The following ADK variants were observed in gnomAD, a reference collection of about 807,000 sequenced individuals.
The protein encoded by ADK is N6,N6-dimethyladenosine kinase.
ADK carries 24 observed loss-of-function variants against 44.7 expected under a neutral mutation model. The observed-to-expected ratio is 0.54, with a 90% CI of 0.39 to 0.76. The LOEUF is 0.76. ADK is among the 30% of genes least tolerant of loss of function. The pLI is 0.00. For synonymous variants in ADK, 128 were observed against 142.6 expected (o/e 0.90, Z 0.73); for missense variants, 321 against 425.1 (o/e 0.76, Z 2.15).
rs367858408 is a variant in ADK at position 74,366,205 on chromosome 10, TATC to T, written c.274-27934_274-27932del. Reference sequence around the variant, plus strand: ...TTGTTATTCATAATTACTTGAATATTATCAGCATCTCTAGATCCTTTGTAGTTA... The same window carrying T: ...TTGTTATTCATAATTACTTGAATATTAGCATCTCTAGATCCTTTGTAGTTA... On this transcript the variant is annotated intron_variant, in intron 4 of 10. Coordinates refer to ENST00000539909, the MANE Select transcript of ADK (RefSeq NM_006721.4). Among the ~76,000 whole-genome samples, 796 of 152,316 alleles carry T rather than the reference TATC, an allele frequency of 5.2e-3. 11 individuals are homozygous for T. The highest frequency in any genetic ancestry group is 0.017 in the African/African-American group (722 of 41,584).
chr10:74,401,303 G>A (rs1843701298), intron 6 of ADK, among the ~76,000 whole-genome samples: 1 of 152,192 alleles, frequency 6.6e-6, no homozygotes, highest in African/African-American at 2.4e-5. Context: ...GGAGGCCAAA[G>A]CCAGTGGATT....
At chr10:74,675,170 A>G (rs1419252198) in intron 10 of ADK, among the ~76,000 whole-genome samples, 3 of 152,158 alleles carry the variant, frequency 2.0e-5, no homozygotes, top group South Asian at 2.1e-4. Flanking sequence ...CTGAAGGACA[A>G]TAATTTTCTT....
chr10:74,490,786 C>T (rs964847747), intron 6 of ADK, among the ~76,000 whole-genome samples: 5 of 152,048 alleles, frequency 3.3e-5, no homozygotes, highest in African/African-American at 1.2e-4. Flanking sequence ...TAGAATTGAA[C>T]AAGATGTTTG....
At chr10:74,402,763 T>C (rs1371659333) in intron 6 of ADK, among the ~76,000 whole-genome samples, 2 of 152,202 alleles carry the variant, frequency 1.3e-5, no homozygotes, top group African/African-American at 2.4e-5. Flanking sequence ...GTCAAAGTCA[T>C]TCTCCATCCA....
At chr10:74,585,843 G>A (rs142666549) in intron 7 of ADK, among the ~76,000 whole-genome samples, 70 of 152,230 alleles carry the variant, frequency 4.6e-4, no homozygotes, top group African/African-American at 1.7e-3. Context: ...GCACAGATGG[G>A]GACTTGCTTG....
At chr10:74,320,119 G>C (rs1024881008) in intron 4 of ADK, among the ~76,000 whole-genome samples, 2 of 152,148 alleles carry the variant, frequency 1.3e-5, no homozygotes, top group African/African-American at 4.8e-5. Flanking sequence ...CAGCCTGAAG[G>C]ACTCTCTTTA....
At chr10:74,668,250 T>C (rs182064454) in intron 9 of ADK, among the ~76,000 whole-genome samples, 9 of 152,344 alleles carry the variant, frequency 5.9e-5, no homozygotes, top group Non-Finnish European at 8.8e-5. Context: ...TTTTCCTAAA[T>C]CAGACTGCAG....
intron 3 of ADK, among the ~76,000 whole-genome samples, chr10:74,259,612 A>G (rs1342085892): frequency 1.3e-5 from 2 of 151,536 alleles, no homozygotes; most frequent in Non-Finnish European, 2.9e-5. Context: ...ACCCGCCACC[A>G]TGCCTGGCTA....
intron 8 of ADK, among the ~76,000 whole-genome samples, chr10:74,596,158 A>C (rs150560472): frequency 1.3e-3 from 199 of 152,248 alleles, no homozygotes; most frequent in African/African-American, 4.5e-3. Context: ...TGATAAAAAA[A>C]AACAACAAAA....
At chr10:74,424,260 C>T (rs951881175) in intron 6 of ADK, among the ~76,000 whole-genome samples, 1 of 151,944 alleles carries the variant, frequency 6.6e-6, no homozygotes, top group Non-Finnish European at 1.5e-5. Flanking sequence ...AAAATATGGC[C>T]GGGCATGGTG....
intron 1 of ADK, among the ~76,000 whole-genome samples, chr10:74,166,147 C>G (rs908853487): frequency 6.6e-6 from 1 of 152,126 alleles, no homozygotes; most frequent in East Asian, 1.9e-4. Context: ...ACTGTGTTGG[C>G]CTGGCTGGTC....
At chr10:74,707,553 A>T (rs998634400) in intron 10 of ADK, among the ~76,000 whole-genome samples, 1 of 152,124 alleles carries the variant, frequency 6.6e-6, no homozygotes, top group East Asian at 1.9e-4. Context: ...ACCTGAGGTC[A>T]GGAGTTTGAG....
At chr10:74,413,605 T>C (rs894014523) in intron 6 of ADK, among the ~76,000 whole-genome samples, 3 of 152,224 alleles carry the variant, frequency 2.0e-5, no homozygotes, top group African/African-American at 7.2e-5. Context: ...CTATGCTGGT[T>C]TGATGTTCTA....
At chr10:74,527,580 C>A in intron 7 of ADK, 1 of 761,916 alleles carries the variant, frequency 1.3e-6, no homozygotes, top group South Asian at 1.4e-5. Flanking sequence ...TGGAGGATAA[C>A]GAGATAGCTG....
intron 10 of ADK, among the ~76,000 whole-genome samples, chr10:74,697,411 C>T (rs1436833513): frequency 1.3e-5 from 2 of 152,094 alleles, no homozygotes; most frequent in East Asian, 3.8e-4. Flanking sequence ...GTGGCACACA[C>T]CTGTAGTTCT....
chr10:74,376,303 T>A (rs1196438638), intron 4 of ADK, among the ~76,000 whole-genome samples: 2 of 152,146 alleles, frequency 1.3e-5, no homozygotes, highest in African/African-American at 4.8e-5. Context: ...AATTTGTAGG[T>A]TCTTTAGGAA....
chr10:74,189,711 C>A (rs1313836442), intron 1 of ADK, among the ~76,000 whole-genome samples: 1 of 152,062 alleles, frequency 6.6e-6, no homozygotes, highest in East Asian at 1.9e-4. Flanking sequence ...ACGTTTTTGT[C>A]CCCCAAAATG....
chr10:74,290,635 A>C (rs572941226), intron 3 of ADK, among the ~76,000 whole-genome samples: 9 of 151,998 alleles, frequency 5.9e-5, no homozygotes, highest in African/African-American at 1.9e-4. Context: ...TTTTTTGTGA[A>C]GTTTTCTCCT....
At chr10:74,290,894 A>C (rs1201798915) in intron 3 of ADK, among the ~76,000 whole-genome samples, 1 of 152,132 alleles carries the variant, frequency 6.6e-6, no homozygotes, top group African/African-American at 2.4e-5. Context: ...TTTAAGTTGG[A>C]GCACTTCATT....
Sources: allele counts gnomAD v4.1 joint callset (sites outside exome capture counted in the v4.1 genomes callset), GRCh38; gene constraint gnomAD v4.1.1; transcripts MANE v1.5; gene names NCBI Gene and HGNC (gene_info 2026-07-23, HGNC 2026-07-21).